Variants in CNTNAP3B observed in about 807,000 individuals in gnomAD.
The protein encoded by CNTNAP3B is contactin associated protein family member 3B, also known as contactin-associated protein-like 3B.
In CNTNAP3B, 25 loss-of-function variants were observed where a neutral mutation model predicts 108.9. The ratio of observed to expected loss-of-function variants is 0.23; its 90% CI spans 0.17 to 0.32. The LOEUF is 0.32. Among genes scored for constraint, CNTNAP3B ranks in the 10% least tolerant of loss-of-function variants. The probability of loss-of-function intolerance (pLI) is 1.00; values close to 1 mark genes in which losing one functional copy is unlikely to be tolerated. For missense variants in CNTNAP3B, 252 were observed against 1,210.4 expected (o/e 0.21, Z 11.75); for synonymous variants, 103 against 473.4 (o/e 0.22, Z 10.16).
chr9:42,089,630 G>A (rs1197386307), intron 2 of CNTNAP3B, among the ~76,000 whole-genome samples: 21 of 147,704 alleles, frequency 1.4e-4, no homozygotes, highest in African/African-American at 4.9e-4. Flanking sequence ...TATTCATTTT[G>A]TATTAAAAAT....
chr9:41,967,951 C>A (rs1201998413), intron 10 of CNTNAP3B, among the ~76,000 whole-genome samples: 5 of 152,358 alleles, frequency 3.3e-5, no homozygotes, highest in Admixed American at 2.0e-4. Context: ...TTACAAGTAA[C>A]TTTGGGGTAC....
At chr9:41,928,082 G>A (rs1239509103) in intron 15 of CNTNAP3B, among the ~76,000 whole-genome samples, 3 of 152,222 alleles carry the variant, frequency 2.0e-5, no homozygotes, top group Non-Finnish European at 2.9e-5. Context: ...GGCATATTCT[G>A]GATAAGTTTT....
chr9:42,126,183 G>GA (rs1828567922), intron 1 of CNTNAP3B, among the ~76,000 whole-genome samples: 1 of 133,858 alleles, frequency 7.5e-6, no homozygotes, highest in Admixed American at 7.5e-5. Context: ...CCATTTAGGG[G>GA]AAAAAATTGA....
At chr9:41,916,184 C>T (rs1199697636) in intron 18 of CNTNAP3B, among the ~76,000 whole-genome samples, 1 of 147,352 alleles carries the variant, frequency 6.8e-6, no homozygotes, top group Non-Finnish European at 1.5e-5. Context: ...ACTCATGTTA[C>T]CATTTGGTGT....
chr9:41,921,241 T>TTA, intron 17 of CNTNAP3B, among the ~76,000 whole-genome samples: 1 of 152,286 alleles, frequency 6.6e-6, no homozygotes, highest in African/African-American at 2.4e-5. Context: ...CCTTAAATAA[T>TTA]CTCCAAGATT....
chr9:41,924,984 T>A (rs1190204443), intron 15 of CNTNAP3B, among the ~76,000 whole-genome samples: 1 of 151,840 alleles, frequency 6.6e-6, no homozygotes, highest in African/African-American at 2.4e-5. Flanking sequence ...GCTGCTGTGT[T>A]CTCCTCAGTG....
At chr9:42,070,557 CCT>C (rs1175392868) in intron 3 of CNTNAP3B, among the ~76,000 whole-genome samples, 3 of 145,208 alleles carry the variant, frequency 2.1e-5, no homozygotes, top group South Asian at 2.2e-4. Flanking sequence ...ACACCCTCAG[CCT>C]CTCTTTTCCC....
At chr9:41,952,116 C>A (rs1237254076) in intron 13 of CNTNAP3B, among the ~76,000 whole-genome samples, 2 of 152,264 alleles carry the variant, frequency 1.3e-5, no homozygotes, top group African/African-American at 4.8e-5. Context: ...GGCTGATTGG[C>A]CAGACGGACT....
intron 14 of CNTNAP3B, among the ~76,000 whole-genome samples, chr9:41,934,100 C>CATATATATATATATATATATAT (rs1186532915): frequency 0.03 from 2,682 of 88,142 alleles, 32 homozygotes; most frequent in South Asian, 0.04. Context: ...ATATTTGTTA[C>CATATATATATATATATATATAT]ATATATATAT....
At chr9:41,993,473 CA>C (rs1396089052) in intron 7 of CNTNAP3B, 1 of 109,902 alleles carries the variant, frequency 9.1e-6, no homozygotes, top group East Asian at 4.0e-4. Flanking sequence ...CTTTTCATGA[CA>C]AGAAAACATT....
At chr9:41,958,731 A>T (rs1202272926) in intron 12 of CNTNAP3B, among the ~76,000 whole-genome samples, 6 of 148,438 alleles carry the variant, frequency 4.0e-5, no homozygotes, top group Non-Finnish European at 8.8e-5. Context: ...AAAACAAAAG[A>T]AAACAAAACA....
chr9:42,088,870 T>C (rs62558903), intron 2 of CNTNAP3B, among the ~76,000 whole-genome samples: 1 of 132,052 alleles, frequency 7.6e-6, no homozygotes, highest in Non-Finnish European at 1.6e-5. Flanking sequence ...GGAAGCTTAG[T>C]GTAGCTTCTG....
intron 3 of CNTNAP3B, among the ~76,000 whole-genome samples, chr9:42,070,501 T>A (rs1202130570): frequency 7.0e-6 from 1 of 143,118 alleles, no homozygotes; most frequent in Non-Finnish European, 1.5e-5. Context: ...TCTGACTCAC[T>A]GTGTCGCTGC....
rs1186924246 is a variant in CNTNAP3B, at chr9:41,993,452, A to T, written c.1072-1581T>A. 2 of 109,868 alleles carry T rather than the reference A, an allele frequency of 1.8e-5. 1 individual carries two copies. The highest frequency in any genetic ancestry group is 7.1e-5 in the African/African-American group (2 of 28,062). The allele number at this position is 109,868 out of a possible 1,614,324, so 6.8% of individuals were successfully genotyped here. A position where few individuals can be genotyped will look rare whatever the true frequency, so the allele number is the denominator to read the frequency against. ...CTTGACTATTTTTGTAATTCTGCTA[A>T]ACGGAAAACACTTTTCATGACAAGA... is the stretch of plus-strand genomic sequence containing the variant. On this transcript the variant is annotated intron_variant, in intron 7 of 23. Transcript: ENST00000377561.
Position 42,056,600 on chromosome 9 carries a change from T to G in CNTNAP3B, c.390+20269A>C, listed in dbSNP as rs1176165153. ...CTCCTGACCTCGTGATCTGCCCACCTCGGCCTTCCAAAGTGCTGGGATTAC... is the reference window on the plus strand; with the variant it reads ...CTCCTGACCTCGTGATCTGCCCACCGCGGCCTTCCAAAGTGCTGGGATTAC... On this transcript the variant is annotated intron_variant, in intron 3 of 23. Coordinates refer to ENST00000377561, the MANE Select transcript of CNTNAP3B (RefSeq NM_001201380.3). 2.9e-5 allele frequency among the ~76,000 whole-genome samples: 4 copies of G among 138,202 alleles called. No individual in the cohort carries two copies. The East Asian group carries it at 8.6e-4, about 30-fold the overall frequency. The allele number at this position is 138,202 out of a possible 152,430, so 90.7% of individuals were successfully genotyped here. A position where few individuals can be genotyped will look rare whatever the true frequency, so the allele number is the denominator to read the frequency against.
At chr9:41,941,929 C>A (rs1824358216) in intron 13 of CNTNAP3B, among the ~76,000 whole-genome samples, 1 of 152,204 alleles carries the variant, frequency 6.6e-6, no homozygotes, top group South Asian at 2.1e-4. Flanking sequence ...CTTATGTCTC[C>A]AGCAGGGGGA....
rs1249834667 is a variant in CNTNAP3B, at chr9:42,075,556, G to A, written c.390+1313C>T. Reference sequence around the variant, plus strand: ...TTCCCCGCAGGCTAGTAACCTTTCAGAGTAAGCAAAATTGGCAAATGACAT... The same window carrying A: ...TTCCCCGCAGGCTAGTAACCTTTCAAAGTAAGCAAAATTGGCAAATGACAT... On this transcript the variant is annotated intron_variant, in intron 3 of 23. Transcript: ENST00000377561. 1.6e-5 allele frequency among the ~76,000 whole-genome samples: 2 copies of A among 127,376 alleles called. 1 individual carries two copies. Among genetic ancestry groups the A allele is most frequent in the Non-Finnish European group, 3.3e-5 (2 of 60,590 alleles). The allele number at this position is 127,376 out of a possible 152,430, so 83.6% of individuals were successfully genotyped here.
chr9:41,919,775 C>A (rs1348011966), intron 18 of CNTNAP3B, among the ~76,000 whole-genome samples: 10 of 152,418 alleles, frequency 6.6e-5, no homozygotes, highest in African/African-American at 2.4e-4. Context: ...AAAATTAGAA[C>A]AGTACAAGGA....
At chr9:41,921,378 GC>G (rs1823663160) in intron 17 of CNTNAP3B, among the ~76,000 whole-genome samples, 1 of 151,950 alleles carries the variant, frequency 6.6e-6, no homozygotes, top group Admixed American at 6.6e-5. Flanking sequence ...CACGCCTGAA[GC>G]TAGGTTTTAG....
Sources: allele counts gnomAD v4.1 joint callset (sites outside exome capture counted in the v4.1 genomes callset), GRCh38; gene constraint gnomAD v4.1.1; transcripts MANE v1.5; gene names NCBI Gene and HGNC (gene_info 2026-07-23, HGNC 2026-07-21).